The following NELL1 variants were observed in gnomAD, a reference collection of about 807,000 sequenced individuals.
NELL1 encodes the protein protein kinase C-binding protein NELL1.
Under a neutral mutation model 107.4 loss-of-function variants are expected in NELL1, and 76 were observed. The ratio of observed to expected loss-of-function variants is 0.71; its 90% CI spans 0.59 to 0.86. The LOEUF is 0.86. Ranked by LOEUF, NELL1 falls within the 40% of genes least tolerant of loss-of-function variation. The probability of loss-of-function intolerance (pLI) is 0.00; values close to 1 mark genes in which losing one functional copy is unlikely to be tolerated. For missense variants in NELL1, 1,024 were observed against 1,005.5 expected, an observed-to-expected ratio of 1.02 and a Z score of -0.25; for synonymous variants, 353 against 341.2, an observed-to-expected ratio of 1.03 and a Z score of -0.38.
chr11:21,320,240 T>C (rs761001171), intron 14 of NELL1, among the ~76,000 whole-genome samples: 2 of 152,178 alleles, frequency 1.3e-5, no homozygotes, highest in Admixed American at 6.5e-5. Flanking sequence ...TGAGCCTGTG[T>C]CACTGTGTAT....
chr11:21,555,377 C>T lies in NELL1; in HGVS notation c.1787-4812C>T, dbSNP rs117492337. Among the ~76,000 whole-genome samples the T allele has an allele frequency of 8.5e-3, 1,291 of 151,892 alleles. 8 individuals carry two copies. The highest frequency in any genetic ancestry group is 0.014 in the Non-Finnish European group (936 of 67,896). On this transcript the variant is annotated intron_variant, in intron 16 of 19. Coordinates refer to ENST00000357134, the MANE Select transcript of NELL1 (RefSeq NM_006157.5). ...ATGAGAGACTTCAAGATTTAGCCTT[C>T]GAGAAGAGGGTCCCACGGAAGCTTG...
intron 14 of NELL1, among the ~76,000 whole-genome samples, chr11:21,368,397 C>T (rs1255645016): frequency 6.7e-6 from 1 of 150,012 alleles, no homozygotes; most frequent in Non-Finnish European, 1.5e-5. Flanking sequence ...GTTCCCTTAG[C>T]CCTTATGGAA....
chr11:20,934,401 A>T (rs1337124408), intron 9 of NELL1, among the ~76,000 whole-genome samples: 1 of 152,212 alleles, frequency 6.6e-6, no homozygotes, highest in African/African-American at 2.4e-5. Flanking sequence ...CATAAAGTTC[A>T]GTGGACATTT....
At chr11:21,472,167 G>C (rs990443407) in intron 15 of NELL1, among the ~76,000 whole-genome samples, 2 of 151,864 alleles carry the variant, frequency 1.3e-5, no homozygotes, top group East Asian at 3.9e-4. Context: ...TTGTTTGTTT[G>C]TTTGTTTGTT....
chr11:21,189,465 G>A (rs2133833848), intron 13 of NELL1, among the ~76,000 whole-genome samples: 1 of 151,814 alleles, frequency 6.6e-6, no homozygotes, highest in Non-Finnish European at 1.5e-5. Context: ...CTTTCACAAT[G>A]CACTGTACTA....
At chr11:21,360,075 A>C (rs924822121) in intron 14 of NELL1, among the ~76,000 whole-genome samples, 1 of 151,748 alleles carries the variant, frequency 6.6e-6, no homozygotes, top group Non-Finnish European at 1.5e-5. Flanking sequence ...TTGAAGTGTG[A>C]TCTTAGATCA....
chr11:21,549,665 T>A (rs1227641337), intron 16 of NELL1, among the ~76,000 whole-genome samples: 1 of 151,858 alleles, frequency 6.6e-6, no homozygotes, highest in Admixed American at 6.6e-5. Context: ...CCTAATAAGC[T>A]GGGCTCAACC....
At chr11:21,304,578 TTCTC>T (rs1554998166) in intron 14 of NELL1, among the ~76,000 whole-genome samples, 2 of 151,272 alleles carry the variant, frequency 1.3e-5, no homozygotes, top group African/African-American at 4.9e-5. Flanking sequence ...GTTTTTTTTT[TTCTC>T]TCTCTCTCCT....
intron 14 of NELL1, among the ~76,000 whole-genome samples, chr11:21,352,110 C>T (rs1309155253): frequency 5.3e-5 from 8 of 152,110 alleles, no homozygotes; most frequent in Non-Finnish European, 1.2e-4. Context: ...ATCTGCCTGG[C>T]CTGTTCTCGG....
chr11:21,435,707 T>C (rs1438204355), intron 15 of NELL1, among the ~76,000 whole-genome samples: 1 of 152,080 alleles, frequency 6.6e-6, no homozygotes, highest in African/African-American at 2.4e-5. Context: ...TGTTGGTGTA[T>C]TGCTGGGTTT....
At chr11:20,908,769 T>G (rs1006455631) in intron 5 of NELL1, among the ~76,000 whole-genome samples, 1 of 152,218 alleles carries the variant, frequency 6.6e-6, no homozygotes, top group Non-Finnish European at 1.5e-5. Flanking sequence ...AACAGTTTGT[T>G]GGTTCCTCAA....
chr11:20,780,427 T>C (rs562976203), intron 2 of NELL1, among the ~76,000 whole-genome samples: 17 of 152,260 alleles, frequency 1.1e-4, no homozygotes, highest in African/African-American at 3.8e-4. Flanking sequence ...ATGAGAAAAA[T>C]AAATGGAAAA....
chr11:20,810,322 C>G (rs1022485839), intron 3 of NELL1, among the ~76,000 whole-genome samples: 2 of 152,036 alleles, frequency 1.3e-5, no homozygotes, highest in Non-Finnish European at 1.5e-5. Context: ...CACCCATTAC[C>G]TGAGCAGTAT....
chr11:20,931,486 A>C (rs1850617227), intron 9 of NELL1, among the ~76,000 whole-genome samples: 1 of 152,218 alleles, frequency 6.6e-6, no homozygotes, highest in Admixed American at 6.5e-5. Flanking sequence ...TATGTTAGTT[A>C]GTTCTTAGCC....
At chr11:21,122,867 A>C (rs2133744751) in intron 13 of NELL1, among the ~76,000 whole-genome samples, 1 of 152,334 alleles carries the variant, frequency 6.6e-6, no homozygotes, top group Middle Eastern at 3.4e-3. Flanking sequence ...ATTCTCACAT[A>C]AAACAATGAC....
At chr11:20,690,172 C>T (rs1256611366) in intron 2 of NELL1, among the ~76,000 whole-genome samples, 2 of 152,138 alleles carry the variant, frequency 1.3e-5, no homozygotes, top group East Asian at 3.8e-4. Flanking sequence ...ATTGCAGATT[C>T]TGGATATTAG....
intron 14 of NELL1, among the ~76,000 whole-genome samples, chr11:21,266,302 G>C (rs1410373309): frequency 1.3e-5 from 2 of 151,716 alleles, no homozygotes; most frequent in African/African-American, 4.8e-5. Context: ...TGTGTTGCTT[G>C]TCTGTCCATC....
intron 13 of NELL1, among the ~76,000 whole-genome samples, chr11:21,217,119 C>T (rs1014397737): frequency 6.6e-5 from 10 of 152,054 alleles, no homozygotes; most frequent in African/African-American, 1.9e-4. Context: ...AGGGGCTATT[C>T]CCCCCTCCTT....
At chr11:20,873,737 G>A (rs1849247694) in intron 4 of NELL1, among the ~76,000 whole-genome samples, 1 of 149,152 alleles carries the variant, frequency 6.7e-6, no homozygotes, top group South Asian at 2.1e-4. Flanking sequence ...GGCTGATGCT[G>A]TTTGTGTAAC....
Sources: allele counts gnomAD v4.1 joint callset (sites outside exome capture counted in the v4.1 genomes callset), GRCh38; gene constraint gnomAD v4.1.1; transcripts MANE v1.5; gene names NCBI Gene and HGNC (gene_info 2026-07-23, HGNC 2026-07-21).